The following DDX20 variants were observed in gnomAD, a reference collection of about 807,000 sequenced individuals.
The protein encoded by DDX20 is DEAD-box helicase 20.
Under a neutral mutation model 76.4 loss-of-function variants are expected in DDX20, and 61 were observed. The ratio of observed to expected loss-of-function variants is 0.80; its 90% CI spans 0.65 to 0.99. The LOEUF is 0.99. Ranked by LOEUF, DDX20 falls within the 50% of genes least tolerant of loss-of-function variation. The pLI is 0.00. For missense variants in DDX20, 976 were observed against 996.8 expected (o/e 0.98, Z 0.28); for synonymous variants, 357 against 357.4 (o/e 1.00, Z 0.01).
At position 111,756,157 on chromosome 1, in the gene DDX20, G is replaced by A. The variant is rs200149751; in HGVS notation, c.233G>A (p.Arg78Gln). The A allele has an allele frequency of 1.3e-4, 199 of 1,556,568 alleles. 1 individual carries two copies. In the African/African-American group the frequency reaches 2.4e-3, roughly 18 times the overall value. ...TCGCGGCCGGTGCTGGAGGGGCTGCGGGCGGCCGGCTTCGAGAGGCCCTCG... is the reference window on the plus strand; with the variant it reads ...TCGCGGCCGGTGCTGGAGGGGCTGCAGGCGGCCGGCTTCGAGAGGCCCTCG... ...LLSRPVLEGL[R>Q]AAGFERPSPV... The change falls in exon 1 of 11, where the codon CGG (arginine) becomes CAG (glutamine). Residue 78 changes from arginine (R) to glutamine (Q), a missense_variant. Arg to Gln is a conservative substitution (Grantham distance 43). Coordinates refer to ENST00000369702, the MANE Select transcript of DDX20 (RefSeq NM_007204.5).
Position 111,762,346 on chromosome 1 carries a change from C to A in DDX20, c.1104+9C>A, listed in dbSNP as rs773322734. The A allele has an allele frequency of 1.8e-5, 29 of 1,609,194 alleles. No homozygotes were observed. Among genetic ancestry groups the A allele is most frequent in the Non-Finnish European group, 2.5e-5 (29 of 1,176,764 alleles). On this transcript the variant is annotated intron_variant, in intron 8 of 10. Coordinates refer to ENST00000369702, the MANE Select transcript of DDX20 (RefSeq NM_007204.5). ...TCATTTCCACAGATTTGGTAAATTT[C>A]CTATTCAGTTTGGGTGACTAATCCA...
chr1:111,757,023 A>G (rs1426646297), intron 2 of DDX20, among the ~76,000 whole-genome samples: 2 of 151,798 alleles, frequency 1.3e-5, no homozygotes, highest in South Asian at 2.1e-4. Context: ...ATTCATGGTA[A>G]TGTAGTGCTC....
Position 111,766,440 on chromosome 1 carries a change from A to G in DDX20, c.2016A>G (p.Ser672=), listed in dbSNP as rs756662951. The part of the protein sequence containing the change: ...RTSSQSKGNK[S]YLEGSSDNQL... ...CTTCCCAGAGCAAAGGAAATAAGTC[A>G]TACTTGGAAGGCTCTTCTGATAATC... Residue 672 remains serine (S), a synonymous_variant, in exon 11 of 11, where the codon TCA becomes TCG. Transcript: ENST00000369702. 1 of 1,614,192 alleles carries G rather than the reference A, an allele frequency of 6.2e-7. No individual in the cohort carries two copies. The highest frequency in any genetic ancestry group is 8.5e-7 in the Non-Finnish European group (1 of 1,180,016).
rs764341690 is a variant in DDX20, at chr1:111,761,260, G to A, written c.997G>A (p.Gly333Ser). Reference sequence around the variant, plus strand: ...TTTGGCTGATATCCTTTCTTCTAAAGGCTTTCCTGCTGAGTGCATTTCAGG... The same window carrying A: ...TTTGGCTGATATCCTTTCTTCTAAAAGCTTTCCTGCTGAGTGCATTTCAGG... ...QHLADILSSK[G>S]FPAECISGNM... The change falls in exon 7 of 11, where the codon GGC becomes AGC. Residue 333 changes from glycine (G) to serine (S), a missense_variant. Around this residue, in one of 3 missense-constraint regions of DDX20, gnomAD observed 630 missense variants for 693.7 expected, o/e 0.91. Transcript: ENST00000369702. 1.6e-5 allele frequency: 26 copies of A among 1,613,162 alleles called. No individual in the cohort carries two copies. Among genetic ancestry groups the A allele is most frequent in the Non-Finnish European group, 1.9e-5 (23 of 1,179,644 alleles).
At chr1:111,756,384 T>C (rs1016718105) in intron 1 of DDX20, among the ~76,000 whole-genome samples, 159 bp downstream of exon 1, 3 of 152,204 alleles carry the variant, frequency 2.0e-5, no homozygotes, top group South Asian at 2.1e-4. Context: ...AGTTAACTTA[T>C]TTGTAAAACT....
chr1:111,762,041 T>C (rs966549695), intron 7 of DDX20: 14 of 470,596 alleles, frequency 3.0e-5, no homozygotes, highest in African/African-American at 2.8e-4. Context: ...CTATTTAGGA[T>C]TGATTTTTGA....
rs563239772 is a variant in DDX20, at chr1:111,759,388, GT to G, written c.397-3del. ...CTCTGACTCAAAGGTGTAATTTATG[GT>G]TTTTTTTTAGATTTTGATCTTGGCT... On this transcript the variant is annotated splice_polypyrimidine_tract_variant and intron_variant, in intron 2 of 10. Coordinates refer to ENST00000369702, the MANE Select transcript of DDX20 (RefSeq NM_007204.5). The G allele has an allele frequency of 3.6e-5, 57 of 1,572,998 alleles. No homozygotes were observed. Among genetic ancestry groups the G allele is most frequent in the South Asian group, 1.2e-4 (10 of 86,042 alleles).
chr1:111,756,325 T>G, intron 1 of DDX20, 100 bp downstream of exon 1: 1 of 1,268,844 alleles, frequency 7.9e-7, no homozygotes, highest in Non-Finnish European at 1.0e-6. Flanking sequence ...GGAAGAGCCC[T>G]CGGTCGGCCC....
At chr1:111,760,956 A>G (rs1663661641) in intron 5 of DDX20, 31 bp from the exon 6 acceptor site, 1 of 1,607,828 alleles carries the variant, frequency 6.2e-7, no homozygotes, top group South Asian at 1.1e-5. Flanking sequence ...TAGCATATAT[A>G]TTTGTTTTAA....
In DDX20 at chr1:111,766,520, C is replaced by G. The variant is rs756470440; in HGVS notation, c.2096C>G (p.Pro699Arg). The G allele has an allele frequency of 6.2e-7, 1 of 1,613,964 alleles. No individual in the cohort carries two copies. The highest frequency in any genetic ancestry group is 8.5e-7 in the Non-Finnish European group (1 of 1,179,994). The change falls in exon 11 of 11, where the codon CCA becomes CGA. Residue 699 changes from proline (P) to arginine (R), a missense_variant. Physicochemically the swap from Pro to Arg is moderately radical, Grantham distance 103. Coordinates refer to ENST00000369702, the MANE Select transcript of DDX20 (RefSeq NM_007204.5). ...GATGATCGTATTTCTTTGGAACAAC[C>G]ACCAAATGGAAGTGACACCCCCAAT... ...PVDDRISLEQ[P>R]PNGSDTPNPE... is the part of the protein sequence containing the mutation.
chr1:111,767,440 CTTCCAGTAAAAATAT>C lies in DDX20; in HGVS notation c.*544_*558del, dbSNP rs1173327017. ...AAAGGTATTTGATTTGATCTGTTAG[CTTCCAGTAAAAATAT>C]TTGTTTTTAGTAAAAACAAATTTAA... On this transcript the variant is annotated 3_prime_UTR_variant, in exon 11 of 11. Coordinates refer to ENST00000369702, the MANE Select transcript of DDX20 (RefSeq NM_007204.5). The C allele has an allele frequency of 6.6e-6, 1 of 151,820 alleles. No individual in the cohort carries two copies. The highest frequency in any genetic ancestry group is 1.5e-5 in the Non-Finnish European group (1 of 67,998). The allele number at this position is 151,820 out of a possible 1,614,324, so 9.4% of individuals were successfully genotyped here. A position where few individuals can be genotyped will look rare whatever the true frequency, so the allele number is the denominator to read the frequency against.
In DDX20 at chr1:111,765,942, C is replaced by G. The variant is rs767864539; in HGVS notation, c.1518C>G (p.Val506=). Residue 506 remains valine (V), a synonymous_variant, in exon 11 of 11, where the codon GTC becomes GTG. Transcript: ENST00000369702. ...ATAATTCTGTATCTGGACTATCAGTCAAATCAAAAAATAATACCAAACAAA... is the reference window on the plus strand; with the variant it reads ...ATAATTCTGTATCTGGACTATCAGTGAAATCAAAAAATAATACCAAACAAA... ...SRNNSVSGLS[V]KSKNNTKQKL... is the part of the protein sequence containing the mutation. 13 of 1,613,012 alleles carry G rather than the reference C, an allele frequency of 8.1e-6. No homozygotes were observed. Among genetic ancestry groups the G allele is most frequent in the Non-Finnish European group, 1.1e-5 (13 of 1,179,782 alleles).
Position 111,759,401 on chromosome 1 carries a change from T to C in DDX20, c.398T>C (p.Ile133Thr). The C allele has an allele frequency of 6.3e-7, 1 of 1,598,348 alleles. No homozygotes were observed. Among genetic ancestry groups the C allele is most frequent in the Non-Finnish European group, 8.5e-7 (1 of 1,174,594 alleles). ...SLVLENLSTQ[I>T]LILAPTREIA... ...GTGTAATTTATGGTTTTTTTTTAGA[T>C]TTTGATCTTGGCTCCTACAAGAGAA... The change falls in exon 3 of 11, where the codon ATT (isoleucine) becomes ACT (threonine). Residue 133 changes from isoleucine to threonine, a missense_variant and splice_region_variant. This residue lies in a region of DDX20 where 343 missense variants were observed against 286.4 expected (regional missense o/e 1.20). Coordinates refer to ENST00000369702, the MANE Select transcript of DDX20 (RefSeq NM_007204.5).
Position 111,766,216 on chromosome 1 carries a change from T to C in DDX20, c.1792T>C (p.Tyr598His). 2 of 1,614,184 alleles carry C rather than the reference T, an allele frequency of 1.2e-6. No homozygotes were observed. The highest frequency in any genetic ancestry group is 1.7e-6 in the Non-Finnish European group (2 of 1,180,022). Residue 598 changes from tyrosine (Y) to histidine (H), a missense_variant, in exon 11 of 11, where the codon TAT becomes CAT. By Grantham distance (83) the Tyr-to-His change is moderately conservative. Coordinates refer to ENST00000369702, the MANE Select transcript of DDX20 (RefSeq NM_007204.5). ...GACTTTTGCTGAATTGGTAGAGGAT[T>C]ATGAACATTATATTAAAGAGGGGTT... ...TLTFAELVED[Y>H]EHYIKEGLEK...
chr1:111,759,548 A>T lies in DDX20; in HGVS notation c.545A>T (p.His182Leu). The T allele has an allele frequency of 3.1e-6, 5 of 1,613,358 alleles. No homozygotes were observed. Among genetic ancestry groups the T allele is most frequent in the South Asian group, 1.1e-5 (1 of 90,816 alleles). ...SQDKTRLKKC[H>L]IAVGSPGRIK... Reference sequence around the variant, plus strand: ...GACAAAACCAGACTTAAAAAGTGTCATATTGCTGTTGGATCTCCTGGTAAG... The same window carrying T: ...GACAAAACCAGACTTAAAAAGTGTCTTATTGCTGTTGGATCTCCTGGTAAG... The change falls in exon 3 of 11, where the codon CAT (histidine) becomes CTT (leucine). Residue 182 changes from histidine to leucine, a missense_variant. Physicochemically the swap from His to Leu is moderately conservative, Grantham distance 99. Transcript: ENST00000369702.
chr1:111,766,821 T>G lies in DDX20; in HGVS notation c.2397T>G (p.Ala799=), dbSNP rs747586177. Residue 799 remains alanine, a synonymous_variant, in exon 11 of 11, where the codon GCT becomes GCG. Transcript: ENST00000369702. ...AAASHSYYWN[A]QRHPSWMAAY... ...CTTCTCATTCATATTATTGGAATGC[T>G]CAGAGACATCCAAGTTGGATGGCAG... The G allele has an allele frequency of 6.2e-6, 10 of 1,614,110 alleles. No homozygotes were observed. The East Asian group carries it at 2.2e-4, about 36-fold the overall frequency.
In DDX20 at chr1:111,760,801, G is replaced by C. The variant is rs768178338; in HGVS notation, c.776G>C (p.Arg259Thr). Reference sequence around the variant, plus strand: ...GCTAATGCTTTGACAAAGTACATGAGAGATCCCACTTTTGTAAGACTGAAT... The same window carrying C: ...GCTAATGCTTTGACAAAGTACATGACAGATCCCACTTTTGTAAGACTGAAT... ...FLANALTKYM[R>T]DPTFVRLNSS... is the part of the protein sequence containing the mutation. The change falls in exon 5 of 11, where the codon AGA becomes ACA. Residue 259 changes from arginine to threonine, a missense_variant. Arg to Thr is a moderately conservative substitution (Grantham distance 71, BLOSUM62 -1). Coordinates refer to ENST00000369702, the MANE Select transcript of DDX20 (RefSeq NM_007204.5). 6.2e-7 allele frequency: 1 copy of C among 1,613,834 alleles called. No homozygotes were observed. The highest frequency in any genetic ancestry group is 1.7e-5 in the Admixed American group (1 of 59,974).
intron 7 of DDX20, 78 bp from the exon 8 acceptor site, chr1:111,762,177 C>T (rs938460120): frequency 8.6e-7 from 1 of 1,168,356 alleles, no homozygotes; most frequent in Non-Finnish European, 1.3e-6. Flanking sequence ...GGGTGTTATG[C>T]TTTTTACTTT....
At chr1:111,762,389 T>G in intron 8 of DDX20, 52 bp downstream of exon 8, 1 of 1,355,082 alleles carries the variant, frequency 7.4e-7, no homozygotes, top group Non-Finnish European at 1.0e-6. Flanking sequence ...ATATGTTCTA[T>G]TATCAGATGT....
Sources: allele counts gnomAD v4.1 joint callset (sites outside exome capture counted in the v4.1 genomes callset), GRCh38; gene constraint gnomAD v4.1.1; regional missense constraint gnomAD v4.1.1; transcripts MANE v1.5; gene names NCBI Gene and HGNC (gene_info 2026-07-23, HGNC 2026-07-21).